The following AP1G1 variants were observed in gnomAD, a reference collection of about 807,000 sequenced individuals.
AP1G1 encodes the protein adaptor related protein complex 1 subunit gamma 1, also known as AP-1 complex subunit gamma-1.
In AP1G1, 7 loss-of-function variants were observed where a neutral mutation model predicts 108.3. The observed-to-expected ratio is 0.06, with a 90% CI of 0.04 to 0.12. The LOEUF (loss-of-function observed/expected upper bound fraction) is 0.12, where lower values mean the gene tolerates loss of function less well. AP1G1 is among the 10% of genes least tolerant of loss of function. The pLI is 1.00. For missense variants in AP1G1, 756 were observed against 1,010.7 expected (o/e 0.75, Z 3.42); for synonymous variants, 379 against 353.5 (o/e 1.07, Z -0.81).
At chr16:71,785,650 C>T (rs916047254) in intron 2 of AP1G1, among the ~76,000 whole-genome samples, 2 of 150,716 alleles carry the variant, frequency 1.3e-5, no homozygotes, top group African/African-American at 4.9e-5. Context: ...TTTGGGAGGC[C>T]GAGGCGGGCA....
At chr16:71,765,346 T>C in intron 7 of AP1G1, 143 bp downstream of exon 7, 6 of 579,542 alleles carry the variant, frequency 1.0e-5, no homozygotes, top group Admixed American at 3.1e-5. Context: ...TAATCTAATA[T>C]AGAATTGTGT....
At chr16:71,754,230 G>GAAAGGGAAGAAAGA (rs1229770119) in intron 12 of AP1G1, among the ~76,000 whole-genome samples, 12 of 147,880 alleles carry the variant, frequency 8.1e-5, no homozygotes, top group Non-Finnish European at 1.8e-4. Flanking sequence ...AGAAAGAAAA[G>GAAAGGGAAGAAAGA]AAAGGGAAGA....
chr16:71,754,875 C>T (rs1190484796), intron 12 of AP1G1, among the ~76,000 whole-genome samples: 1 of 151,332 alleles, frequency 6.6e-6, no homozygotes, highest in African/African-American at 2.4e-5. Flanking sequence ...ATAAGAGTTG[C>T]TAAGCTGAGA....
At position 71,764,435 on chromosome 16, in the gene AP1G1, G is replaced by A; in HGVS notation, c.833C>T (p.Thr278Ile). ...NDILAQVATN[T>I]ETSKNVGNAI... ...ATTTCCTACATTTTTACTAGTCTCA[G>A]TATTAGTGGCAACCTGAAAAGACAT... Residue 278 changes from threonine (T) to isoleucine (I), a missense_variant, in exon 9 of 23, where the codon ACT (threonine) becomes ATT (isoleucine). Coordinates refer to ENST00000299980, the MANE Select transcript of AP1G1 (RefSeq NM_001128.6). 1 of 1,605,858 alleles carries A rather than the reference G, an allele frequency of 6.2e-7. No individual in the cohort carries two copies. The highest frequency in any genetic ancestry group is 8.5e-7 in the Non-Finnish European group (1 of 1,174,546).
At chr16:71,803,784 G>T (rs997195128) in intron 1 of AP1G1, among the ~76,000 whole-genome samples, 33 of 151,934 alleles carry the variant, frequency 2.2e-4, no homozygotes, top group Non-Finnish European at 8.8e-5. Flanking sequence ...AATTAGCTAG[G>T]CATGGTGGCG....
chr16:71,788,854 A>G (rs1386325764), intron 2 of AP1G1, among the ~76,000 whole-genome samples: 1 of 150,248 alleles, frequency 6.7e-6, no homozygotes, highest in Non-Finnish European at 1.5e-5. Flanking sequence ...GCAGGGTCTC[A>G]CTATGTTGCC....
chr16:71,733,230 T>A, intron 22 of AP1G1, 71 bp from the exon 23 acceptor site: 1 of 1,257,912 alleles, frequency 7.9e-7, no homozygotes, highest in Non-Finnish European at 1.1e-6. Context: ...GGTCCACAAA[T>A]AGACTTTTAA....
intron 1 of AP1G1, among the ~76,000 whole-genome samples, chr16:71,795,581 C>T (rs945033690): frequency 6.6e-6 from 1 of 152,168 alleles, no homozygotes; most frequent in Admixed American, 6.5e-5. Flanking sequence ...ATACAGAACC[C>T]CTATTTCAGA....
intron 10 of AP1G1, among the ~76,000 whole-genome samples, chr16:71,759,242 G>A (rs1270864522): frequency 4.0e-5 from 6 of 151,598 alleles, no homozygotes; most frequent in African/African-American, 1.5e-4. Context: ...GTGGATACCT[G>A]AGGTCAGGAG....
intron 1 of AP1G1, among the ~76,000 whole-genome samples, chr16:71,805,515 C>G (rs1247724738): frequency 2.0e-5 from 3 of 152,058 alleles, no homozygotes; most frequent in African/African-American, 7.2e-5. Flanking sequence ...TTACAAACAC[C>G]TAAAACAGTA....
At chr16:71,746,414 G>C (rs992882371) in intron 17 of AP1G1, among the ~76,000 whole-genome samples, 174 bp downstream of exon 17, 2 of 152,220 alleles carry the variant, frequency 1.3e-5, no homozygotes, top group Non-Finnish European at 2.9e-5. Context: ...TATTTCTTTA[G>C]AGACTAGGCA....
chr16:71,739,746 CAAAA>C (rs751174235), intron 19 of AP1G1, among the ~76,000 whole-genome samples: 4 of 51,870 alleles, frequency 7.7e-5, no homozygotes, highest in Non-Finnish European at 1.2e-4. Context: ...GACTCTGTCG[CAAAA>C]AAAAAAAAAA....
chr16:71,732,871 G>A lies in AP1G1; in HGVS notation c.*187C>T, dbSNP rs912705603. 8.0e-5 allele frequency: 43 copies of A among 540,510 alleles called. No homozygotes were observed. Among genetic ancestry groups the A allele is most frequent in the Admixed American group, 3.5e-4 (10 of 28,922 alleles). The allele number at this position is 540,510 out of a possible 1,614,324, so 33.5% of individuals were successfully genotyped here. ...CCAGAAGCAGCCAGCCTCAACAGTG[G>A]AGGAGAGGACATTAGTCTTTAACAA... is the stretch of plus-strand genomic sequence containing the variant. On this transcript the variant is annotated 3_prime_UTR_variant, in exon 23 of 23. Coordinates refer to ENST00000299980, the MANE Select transcript of AP1G1 (RefSeq NM_001128.6).
chr16:71,737,595 T>C (rs1424413284), intron 21 of AP1G1, among the ~76,000 whole-genome samples: 1 of 152,218 alleles, frequency 6.6e-6, no homozygotes, highest in Non-Finnish European at 1.5e-5. Flanking sequence ...AACTGCTTCT[T>C]AAACATCTAA....
At chr16:71,742,796 C>T (rs1346979446) in intron 19 of AP1G1, 1 of 151,936 alleles carries the variant, frequency 6.6e-6, no homozygotes, top group Admixed American at 6.6e-5. Flanking sequence ...ATGGTGAAAC[C>T]CCATCTCTAA....
At chr16:71,740,155 T>C (rs1453775810) in intron 19 of AP1G1, among the ~76,000 whole-genome samples, 1 of 152,088 alleles carries the variant, frequency 6.6e-6, no homozygotes, top group Non-Finnish European at 1.5e-5. Flanking sequence ...AACAGTAGAG[T>C]TGAACATCAG....
intron 19 of AP1G1, among the ~76,000 whole-genome samples, chr16:71,744,195 G>C (rs559469732): frequency 1.3e-4 from 20 of 152,308 alleles, no homozygotes; most frequent in African/African-American, 4.8e-4. Flanking sequence ...AGTGAGTCGA[G>C]ATCGTGCCAC....
At chr16:71,762,667 AG>A (rs1258359220) in intron 9 of AP1G1, among the ~76,000 whole-genome samples, 6 of 152,176 alleles carry the variant, frequency 3.9e-5, no homozygotes, top group Non-Finnish European at 2.9e-5. Flanking sequence ...ACATCTGGAG[AG>A]GGTATGGAAG....
intron 2 of AP1G1, among the ~76,000 whole-genome samples, chr16:71,776,518 T>C (rs916735738): frequency 8.5e-5 from 13 of 152,180 alleles, no homozygotes; most frequent in Non-Finnish European, 1.6e-4. Context: ...GAAGCTAAAA[T>C]ATTATCAAAC....
Sources: allele counts gnomAD v4.1 joint callset (sites outside exome capture counted in the v4.1 genomes callset), GRCh38; gene constraint gnomAD v4.1.1; transcripts MANE v1.5; gene names NCBI Gene and HGNC (gene_info 2026-07-23, HGNC 2026-07-21).